The following AKAP19 variants were observed in gnomAD, a reference collection of about 807,000 sequenced individuals.
AKAP19 encodes small A-kinase anchoring protein.
At chr2:190,081,512 A>ATT in the AKAP19 span, among the ~76,000 whole-genome samples, 2 of 152,170 alleles carry the variant, frequency 1.3e-5, no homozygotes, top group Non-Finnish European at 2.9e-5. Flanking sequence ...TGAGGCAAAT[A>ATT]TTTAAGCATT....
At chr2:190,088,700 A>G in the AKAP19 span, among the ~76,000 whole-genome samples, 22 of 152,336 alleles carry the variant, frequency 1.4e-4, no homozygotes, top group African/African-American at 4.6e-4. Flanking sequence ...GATCAAGTGA[A>G]TATTTTAAAA....
chr2:190,173,610 G>C, the AKAP19 span, among the ~76,000 whole-genome samples: 1 of 152,182 alleles, frequency 6.6e-6, no homozygotes, highest in African/African-American at 2.4e-5. Flanking sequence ...TAGCTTCCCA[G>C]ATAGATCATC....
chr2:189,940,139 TGTG>T, the AKAP19 span, among the ~76,000 whole-genome samples: 1 of 151,832 alleles, frequency 6.6e-6, no homozygotes, highest in Non-Finnish European at 1.5e-5. Context: ...TTTAGCCTAG[TGTG>T]GTGGTGGGCC....
the AKAP19 span, among the ~76,000 whole-genome samples, chr2:190,170,078 G>A: frequency 1.3e-5 from 2 of 152,326 alleles, no homozygotes; most frequent in South Asian, 2.1e-4. Context: ...TCCCAGTTCT[G>A]CAGGATGGGA....
the AKAP19 span, among the ~76,000 whole-genome samples, chr2:190,004,697 C>T: frequency 2.0e-5 from 3 of 151,932 alleles, no homozygotes; most frequent in South Asian, 2.1e-4. Flanking sequence ...CTTGCCCTCC[C>T]GACCTCCCTT....
At chr2:189,879,888 A>G in the AKAP19 span, 2 of 152,244 alleles carry the variant, frequency 1.3e-5, no homozygotes, top group South Asian at 4.1e-4. Flanking sequence ...AGCCTTCGCT[A>G]TAGCCACAGG....
At chr2:189,897,477 A>C in the AKAP19 span, among the ~76,000 whole-genome samples, 2 of 152,150 alleles carry the variant, frequency 1.3e-5, 1 homozygote, top group South Asian at 4.1e-4. Flanking sequence ...AGTTTGCTTT[A>C]GAATATGAAT....
the AKAP19 span, among the ~76,000 whole-genome samples, chr2:190,009,012 C>G: frequency 1.4e-3 from 218 of 152,014 alleles, no homozygotes; most frequent in African/African-American, 4.6e-3. Flanking sequence ...GGGTTCCAGA[C>G]AGCAGGAACT....
chr2:189,992,907 A>C, the AKAP19 span, among the ~76,000 whole-genome samples: 1 of 152,116 alleles, frequency 6.6e-6, no homozygotes, highest in African/African-American at 2.4e-5. Context: ...CAGATATAGG[A>C]GCTTTTTGGA....
chr2:189,971,253 G>C, the AKAP19 span, among the ~76,000 whole-genome samples: 1 of 152,058 alleles, frequency 6.6e-6, no homozygotes, highest in Non-Finnish European at 1.5e-5. Context: ...TTGTCCTTGC[G>C]ATAGTTTGCT....
At chr2:189,986,685 AT>A in the AKAP19 span, among the ~76,000 whole-genome samples, 1 of 152,042 alleles carries the variant, frequency 6.6e-6, no homozygotes, top group Admixed American at 6.6e-5. Flanking sequence ...AAATTGGCAT[AT>A]TTTTGCCTTA....
the AKAP19 span, among the ~76,000 whole-genome samples, chr2:190,189,212 G>A: frequency 7.9e-5 from 12 of 152,164 alleles, no homozygotes; most frequent in Non-Finnish European, 1.5e-4. Flanking sequence ...GGTCTTTACC[G>A]GCAAGAATTA....
the AKAP19 span, among the ~76,000 whole-genome samples, chr2:190,119,155 T>A: frequency 6.6e-6 from 1 of 152,224 alleles, no homozygotes; most frequent in Non-Finnish European, 1.5e-5. Context: ...TTGGTCTTCA[T>A]GCCAGTTTAG....
chr2:189,998,704 A>G, the AKAP19 span, among the ~76,000 whole-genome samples: 2 of 151,070 alleles, frequency 1.3e-5, no homozygotes, highest in African/African-American at 4.9e-5. Flanking sequence ...TTTTACTTCA[A>G]TAATTTTATT....
chr2:190,089,483 G>A, the AKAP19 span: 1 of 151,902 alleles, frequency 6.6e-6, no homozygotes, highest in Admixed American at 6.6e-5. Context: ...CCTGAAAAAT[G>A]TATTCAGCTC....
the AKAP19 span, among the ~76,000 whole-genome samples, chr2:190,058,624 A>G: frequency 6.6e-6 from 1 of 152,008 alleles, no homozygotes; most frequent in Non-Finnish European, 1.5e-5. Context: ...TCAGCGGATG[A>G]ATGGATAAAG....
chr2:190,083,541 A>G, the AKAP19 span, among the ~76,000 whole-genome samples: 1 of 141,650 alleles, frequency 7.1e-6, no homozygotes, highest in African/African-American at 2.6e-5. Flanking sequence ...GTAGGTTTTT[A>G]TAGGCAAAAA....
chr2:189,980,794 G>C, the AKAP19 span, among the ~76,000 whole-genome samples: 1 of 152,098 alleles, frequency 6.6e-6, no homozygotes, highest in Non-Finnish European at 1.5e-5. Flanking sequence ...ATTTATTCAG[G>C]TGCAAGCTGT....
chr2:190,142,098 T>C, the AKAP19 span, among the ~76,000 whole-genome samples: 1 of 152,186 alleles, frequency 6.6e-6, no homozygotes, highest in Non-Finnish European at 1.5e-5. Flanking sequence ...GCTTGTTTTG[T>C]GCAGACTCCA....
Sources: gnomAD v4.1 joint callset for allele counts (sites outside exome capture counted in the v4.1 genomes callset) on GRCh38, gnomAD v4.1.1 for gene constraint, MANE v1.5 for transcripts, NCBI Gene and HGNC (gene_info 2026-07-23, HGNC 2026-07-21) for gene names.